C1orf21: variants seen among roughly 807,000 people sequenced by gnomAD.
C1orf21 encodes the protein chromosome 1 open reading frame 21.
A neutral mutation model predicts 18.7 loss-of-function variants in C1orf21; 3 were observed. The ratio of observed to expected loss-of-function variants is 0.16; its 90% confidence interval spans 0.07 to 0.42. C1orf21 has a LOEUF of 0.42. C1orf21 is among the 10% of genes least tolerant of loss of function. The probability of loss-of-function intolerance (pLI) is 0.99; values close to 1 mark genes in which losing one functional copy is unlikely to be tolerated. For synonymous variants in C1orf21, 41 were observed against 46.4 expected, an observed-to-expected ratio of 0.88 and a Z score of 0.47; for missense variants, 104 against 143.6, an observed-to-expected ratio of 0.72 and a Z score of 1.41.
chr1:184,543,473 C>T (rs1421637629), intron 3 of C1orf21, among the ~76,000 whole-genome samples: 1 of 152,102 alleles, frequency 6.6e-6, no homozygotes. Context: ...CCATACAAAG[C>T]CTTCTGAATT....
At chr1:184,425,874 A>G (rs1489418908) in intron 1 of C1orf21, among the ~76,000 whole-genome samples, 1 of 152,186 alleles carries the variant, frequency 6.6e-6, no homozygotes, top group Admixed American at 6.5e-5. Flanking sequence ...TTATGTCCAC[A>G]CTTCCGCCAC....
intron 3 of C1orf21, among the ~76,000 whole-genome samples, chr1:184,525,596 G>A (rs1658366542): frequency 6.6e-6 from 1 of 152,122 alleles, no homozygotes; most frequent in African/African-American, 2.4e-5. Flanking sequence ...AAGTTTGCTG[G>A]TGTTAACTGA....
At position 184,547,178 on chromosome 1, in the gene C1orf21, C is replaced by T. The variant is rs79293397; in HGVS notation, c.189+39496C>T. ...AGGGCAAGAGTAGGTTGATACAAAG[C>T]CGGAGCAGCCAGAAGAGGCCAGACC... On this transcript the variant is annotated intron_variant, in intron 3 of 5. Coordinates refer to ENST00000235307, the MANE Select transcript of C1orf21 (RefSeq NM_030806.4). Among the ~76,000 whole-genome samples, 589 of 152,238 alleles carry T rather than the reference C, an allele frequency of 3.9e-3. 6 individuals carry two copies. The highest frequency in any genetic ancestry group is 0.014 in the African/African-American group (572 of 41,540).
chr1:184,436,949 G>GGT (rs940972291), intron 1 of C1orf21, among the ~76,000 whole-genome samples: 8 of 152,094 alleles, frequency 5.3e-5, no homozygotes, highest in Admixed American at 2.6e-4. Flanking sequence ...GGGTTGGGGG[G>GGT]TACTTTTGAA....
intron 3 of C1orf21, among the ~76,000 whole-genome samples, chr1:184,543,556 T>TG (rs1213246620): frequency 6.6e-6 from 1 of 152,216 alleles, no homozygotes; most frequent in Admixed American, 6.5e-5. Context: ...CCTTGGTATC[T>TG]GGGAACTTCT....
chr1:184,499,770 A>G (rs1220021207), intron 2 of C1orf21, among the ~76,000 whole-genome samples: 4 of 152,142 alleles, frequency 2.6e-5, no homozygotes, highest in African/African-American at 7.2e-5. Flanking sequence ...CCAACCAAGG[A>G]CAAATCTCTC....
At chr1:184,613,687 C>G (rs1558015071) in intron 5 of C1orf21, among the ~76,000 whole-genome samples, 1 of 152,154 alleles carries the variant, frequency 6.6e-6, no homozygotes, top group Non-Finnish European at 1.5e-5. Context: ...CCTCCAAAGC[C>G]AGAGTGTTCA....
chr1:184,522,911 C>T (rs1472304254), intron 3 of C1orf21, among the ~76,000 whole-genome samples: 1 of 152,112 alleles, frequency 6.6e-6, no homozygotes, highest in Non-Finnish European at 1.5e-5. Flanking sequence ...TGGTCTTGAA[C>T]TCTTGAGCTC....
chr1:184,543,221 G>A lies in C1orf21; in HGVS notation c.189+35539G>A, dbSNP rs1291712179. ...AATTAGCTGGGCTAGGTGGTGGTGTGTGCCTGTGGTCCCACCTACTCTGGA... is the reference window on the plus strand; with the variant it reads ...AATTAGCTGGGCTAGGTGGTGGTGTATGCCTGTGGTCCCACCTACTCTGGA... On this transcript the variant is annotated intron_variant, in intron 3 of 5. Coordinates refer to ENST00000235307, the MANE Select transcript of C1orf21 (RefSeq NM_030806.4). 3.3e-5 allele frequency among the ~76,000 whole-genome samples: 5 copies of A among 152,078 alleles called. No homozygotes were observed. In the East Asian group the frequency reaches 9.6e-4, roughly 29 times the overall value.
intron 1 of C1orf21, among the ~76,000 whole-genome samples, chr1:184,441,286 C>T (rs1656940505): frequency 6.6e-6 from 1 of 152,144 alleles, no homozygotes; most frequent in Non-Finnish European, 1.5e-5. Flanking sequence ...TTCCCACAGC[C>T]CTTTTCTTAA....
intron 1 of C1orf21, among the ~76,000 whole-genome samples, chr1:184,428,231 T>A (rs567608555): frequency 6.6e-6 from 1 of 152,242 alleles, no homozygotes; most frequent in Non-Finnish European, 1.5e-5. Flanking sequence ...TTCCAGAAGA[T>A]CTACACTGAA....
intron 5 of C1orf21, among the ~76,000 whole-genome samples, chr1:184,614,427 G>C (rs1396133909): frequency 6.6e-6 from 1 of 152,168 alleles, no homozygotes; most frequent in Admixed American, 6.5e-5. Context: ...GTATTGGGCT[G>C]AATGCATACA....
At chr1:184,474,765 C>A (rs562936691) in intron 1 of C1orf21, among the ~76,000 whole-genome samples, 1 of 152,262 alleles carries the variant, frequency 6.6e-6, no homozygotes, top group South Asian at 2.1e-4. Flanking sequence ...GGCAGGGAAG[C>A]CACCTAGGTT....
At chr1:184,547,836 T>C (rs1026703773) in intron 3 of C1orf21, among the ~76,000 whole-genome samples, 3 of 152,112 alleles carry the variant, frequency 2.0e-5, no homozygotes, top group Non-Finnish European at 4.4e-5. Flanking sequence ...AGAATCTCAG[T>C]AACAGTTGTT....
At chr1:184,526,796 CTTCA>C (rs796163190) in intron 3 of C1orf21, among the ~76,000 whole-genome samples, 8 of 152,172 alleles carry the variant, frequency 5.3e-5, no homozygotes, top group African/African-American at 1.2e-4. Context: ...TCTCAACCCC[CTTCA>C]TTCATTCATT....
chr1:184,400,269 G>A (rs1057473104), intron 1 of C1orf21, among the ~76,000 whole-genome samples: 3 of 151,874 alleles, frequency 2.0e-5, no homozygotes, highest in South Asian at 2.1e-4. Flanking sequence ...ACAGTATTTC[G>A]AGACCACAGT....
chr1:184,445,799 A>C (rs995494252), intron 1 of C1orf21, among the ~76,000 whole-genome samples: 12 of 152,168 alleles, frequency 7.9e-5, no homozygotes, highest in African/African-American at 2.7e-4. Context: ...CCTATGAAAA[A>C]AATGTTACAT....
intron 3 of C1orf21, among the ~76,000 whole-genome samples, chr1:184,540,460 G>A (rs957427701): frequency 5.3e-5 from 8 of 151,650 alleles, no homozygotes; most frequent in African/African-American, 1.9e-4. Context: ...TTGAGACTGG[G>A]TCTCGCTCCT....
rs1659975781 is a variant in C1orf21, at chr1:184,624,542, G to C, written c.*4986G>C. On this transcript the variant is annotated 3_prime_UTR_variant, in exon 6 of 6. Transcript: ENST00000235307. ...TAAGGTTAAAAGTCTTGACCTTCAT[G>C]GGGGTCTGGGACAATCCGATCTCCA... 1 of 152,114 alleles carries C rather than the reference G, an allele frequency of 6.6e-6. No individual in the cohort carries two copies. The highest frequency in any genetic ancestry group is 2.4e-5 in the African/African-American group (1 of 41,406). 9.4% of individuals were successfully genotyped at this position (152,114 alleles called of 1,614,324 possible). A position where few individuals can be genotyped will look rare whatever the true frequency, so the allele number is the denominator to read the frequency against.
Sources: allele counts gnomAD v4.1 joint callset (sites outside exome capture counted in the v4.1 genomes callset), GRCh38; gene constraint gnomAD v4.1.1; transcripts MANE v1.5; gene names NCBI Gene and HGNC (gene_info 2026-07-23, HGNC 2026-07-21).